The following ACAN variants were observed in gnomAD, a reference collection of about 807,000 sequenced individuals.
ACAN encodes the protein aggrecan core protein.
In ACAN, 47 loss-of-function variants were observed where a neutral mutation model predicts 169.1. The observed-to-expected ratio is 0.28, with a 90% CI of 0.22 to 0.35. ACAN has a LOEUF of 0.35. Among genes scored for constraint, ACAN ranks in the 10% least tolerant of loss-of-function variants. ACAN has a pLI of 1.00. For synonymous variants in ACAN, 1,115 were observed against 1,112.2 expected, an observed-to-expected ratio of 1.00 and a Z score of -0.05; for missense variants, 2,716 against 2,759.9, an observed-to-expected ratio of 0.98 and a Z score of 0.36.
chr15:88,864,145 C>G (rs1219174782), intron 13 of ACAN, among the ~76,000 whole-genome samples: 1 of 152,188 alleles, frequency 6.6e-6, no homozygotes, highest in Non-Finnish European at 1.5e-5. Flanking sequence ...CCACTGCATT[C>G]CAGCCTGGGT....
chr15:88,814,018 C>G lies in ACAN; in HGVS notation c.-8+10209C>G, dbSNP rs1013548854. ...TTCCTAGTTCCCCTCCTGATGACAT[C>G]TAGTGCTTAGACTCACAAAAGAATC... On this transcript the variant is annotated intron_variant, in intron 1 of 18. Coordinates refer to ENST00000560601, the MANE Select transcript of ACAN (RefSeq NM_001369268.1). The surrounding 1 kb of genome is among the most constrained non-coding windows in gnomAD (Gnocchi z 4.0). Among the ~76,000 whole-genome samples, 1 of 152,192 alleles carries G rather than the reference C, an allele frequency of 6.6e-6. No individual in the cohort carries two copies. The highest frequency in any genetic ancestry group is 2.1e-4 in the South Asian group (1 of 4,834).
At chr15:88,815,285 G>A (rs963968162) in intron 1 of ACAN, among the ~76,000 whole-genome samples, 48 of 152,030 alleles carry the variant, frequency 3.2e-4, no homozygotes, top group Admixed American at 1.8e-3. Context: ...AAGACCAGGC[G>A]CAGTGGCTCA....
intron 1 of ACAN, among the ~76,000 whole-genome samples, chr15:88,828,022 C>T (rs1596122834): frequency 6.6e-6 from 1 of 152,152 alleles, no homozygotes; most frequent in African/African-American, 2.4e-5. Context: ...TAGTTTGAAA[C>T]AAAAGTGGGA....
chr15:88,810,443 C>T (rs1236757897), intron 1 of ACAN, among the ~76,000 whole-genome samples: 1 of 152,148 alleles, frequency 6.6e-6, no homozygotes. Context: ...CTTCTCGCCT[C>T]AGCCGCCGCC....
At position 88,870,991 on chromosome 15, in the gene ACAN, C is replaced by T. The variant is rs1897365471; in HGVS notation, c.7061-391C>T. On this transcript the variant is annotated intron_variant, in intron 14 of 18. Transcript: ENST00000560601. The surrounding 1 kb of genome is among the most constrained non-coding windows in gnomAD (Gnocchi z 6.3). ...TCCCCACAGCTCCACTCCCTCTCTC[C>T]CTGGAGCCCCCCAGAGCCACAGAAC... Among the ~76,000 whole-genome samples the T allele has an allele frequency of 6.6e-6, 1 of 152,214 alleles. No individual in the cohort carries two copies.
At chr15:88,867,119 T>C (rs978530340) in intron 13 of ACAN, among the ~76,000 whole-genome samples, 1 of 152,154 alleles carries the variant, frequency 6.6e-6, no homozygotes, top group African/African-American at 2.4e-5. Context: ...GAAGTACAAA[T>C]ATGAAGAAAG....
chr15:88,803,832 A>T (rs1895601914), intron 1 of ACAN, 23 bp downstream of exon 1: 1 of 152,332 alleles, frequency 6.6e-6, no homozygotes, highest in Admixed American at 6.5e-5. Flanking sequence ...TTCCCTCCAG[A>T]GCGAGGCTCT....
rs1429256567 is a variant in ACAN, at chr15:88,868,975, T to C, written c.7060+646T>C. Reference sequence around the variant, plus strand: ...TCCCTCCCTTGTGCAAGGCAAAGGGTGGCCAGAGAGAACAGAACTGTGTTA... The same window carrying C: ...TCCCTCCCTTGTGCAAGGCAAAGGGCGGCCAGAGAGAACAGAACTGTGTTA... On this transcript the variant is annotated intron_variant, in intron 14 of 18. Coordinates refer to ENST00000560601, the MANE Select transcript of ACAN (RefSeq NM_001369268.1). This position sits in a 1 kb window ranked among gnomAD's most constrained non-coding sequence, Gnocchi z 5.2. 6.6e-6 allele frequency among the ~76,000 whole-genome samples: 1 copy of C among 152,150 alleles called. No individual in the cohort carries two copies. Among genetic ancestry groups the C allele is most frequent in the African/African-American group, 2.4e-5 (1 of 41,432 alleles).
intron 1 of ACAN, among the ~76,000 whole-genome samples, chr15:88,808,097 G>A (rs1323019280): frequency 6.6e-6 from 1 of 152,154 alleles, no homozygotes; most frequent in Non-Finnish European, 1.5e-5. Flanking sequence ...GGGTAAGAAG[G>A]AGAAACACAG....
At chr15:88,854,422 T>C (rs905923671) in intron 11 of ACAN, among the ~76,000 whole-genome samples, 1 of 152,210 alleles carries the variant, frequency 6.6e-6, no homozygotes, top group African/African-American at 2.4e-5. Flanking sequence ...TTGAAAACCA[T>C]GGGACCAAAT....
At chr15:88,840,882 T>C (rs113238597) in intron 4 of ACAN, among the ~76,000 whole-genome samples, 29,046 of 152,004 alleles carry the variant, frequency 0.19, 2,929 homozygotes, top group African/African-American at 0.25. Flanking sequence ...CAGTGGCTCA[T>C]GCCTGTAATC....
chr15:88,817,582 G>A (rs1320650528), intron 1 of ACAN, among the ~76,000 whole-genome samples: 8 of 151,018 alleles, frequency 5.3e-5, no homozygotes, highest in Non-Finnish European at 5.9e-5. Context: ...GGCCAGGCAC[G>A]GTGGCTTATG....
At position 88,836,079 on chromosome 15, in the gene ACAN, C is replaced by T; in HGVS notation, c.-7-121C>T. 2.9e-6 allele frequency: 2 copies of T among 679,592 alleles called. 1 individual carries two copies. Among genetic ancestry groups the T allele is most frequent in the South Asian group, 3.8e-5 (2 of 52,726 alleles). The allele number at this position is 679,592 out of a possible 1,614,324, so 42.1% of individuals were successfully genotyped here. A position where few individuals can be genotyped will look rare whatever the true frequency, so the allele number is the denominator to read the frequency against. ...CACAAACCACGTGCAGCCTCCTTCT[C>T]TGGAGATGATTCCAGGTCCTTGGGT... is the stretch of plus-strand genomic sequence containing the variant. On this transcript the variant is annotated intron_variant, in intron 1 of 18. Coordinates refer to ENST00000560601, the MANE Select transcript of ACAN (RefSeq NM_001369268.1).
At position 88,851,440 on chromosome 15, in the gene ACAN, C is replaced by T. The variant is rs911888456; in HGVS notation, c.2027-354C>T. On this transcript the variant is annotated intron_variant, in intron 10 of 18. Coordinates refer to ENST00000560601, the MANE Select transcript of ACAN (RefSeq NM_001369268.1). The surrounding 1 kb of genome is among the most constrained non-coding windows in gnomAD (Gnocchi z 4.3). Reference sequence around the variant, plus strand: ...TTGACTCTGGGCAAATCATGTAACTCTGTGCCTCAGTTTCCCCATCTGTAA... The same window carrying T: ...TTGACTCTGGGCAAATCATGTAACTTTGTGCCTCAGTTTCCCCATCTGTAA... 4.8e-6 allele frequency: 1 copy of T among 207,764 alleles called. No individual in the cohort carries two copies. The highest frequency in any genetic ancestry group is 2.3e-5 in the African/African-American group (1 of 43,264). 12.9% of individuals were successfully genotyped at this position (207,764 alleles called of 1,614,324 possible). A position where few individuals can be genotyped will look rare whatever the true frequency, so the allele number is the denominator to read the frequency against.
rs530678017 is a variant in ACAN, at chr15:88,845,869, G to A, written c.1416G>A (p.Pro472=). 75 of 1,453,760 alleles carry A rather than the reference G, an allele frequency of 5.2e-5. No individual in the cohort carries two copies. In the Admixed American group the frequency reaches 1.6e-3, roughly 31 times the overall value. The allele number at this position is 1,453,760 out of a possible 1,614,324, so 90.1% of individuals were successfully genotyped here. The change falls in exon 7 of 19, where the codon CCG becomes CCA. Residue 472 remains proline (P), a synonymous_variant. Coordinates refer to ENST00000560601, the MANE Select transcript of ACAN (RefSeq NM_001369268.1). ...VVQVTAVPGQ[P]HLPGGVVFHY... The stretch of plus-strand genomic sequence containing the variant: ...AGGTGACCGCTGTCCCTGGGCAGCC[G>A]CATTTGCCAGGGGGTAAGTAGCTGC...
In ACAN at chr15:88,870,216, C is replaced by G. The variant is rs190626396; in HGVS notation, c.7061-1166C>G. Among the ~76,000 whole-genome samples, 80 of 152,286 alleles carry G rather than the reference C, an allele frequency of 5.3e-4. No homozygotes were observed. In the East Asian group the frequency reaches 9.7e-3, roughly 18 times the overall value. Reference sequence around the variant, plus strand: ...CCCAACTGTCTCTCCCCCACTTTGCCAAGCATCCACCCCTTCAGCCTAAGA... The same window carrying G: ...CCCAACTGTCTCTCCCCCACTTTGCGAAGCATCCACCCCTTCAGCCTAAGA... On this transcript the variant is annotated intron_variant, in intron 14 of 18. Coordinates refer to ENST00000560601, the MANE Select transcript of ACAN (RefSeq NM_001369268.1). The surrounding 1 kb of genome is among the most constrained non-coding windows in gnomAD (Gnocchi z 6.3).
Position 88,851,519 on chromosome 15 carries a change from G to C in ACAN, c.2027-275G>C, listed in dbSNP as rs1054607801. On this transcript the variant is annotated intron_variant, in intron 10 of 18. Coordinates refer to ENST00000560601, the MANE Select transcript of ACAN (RefSeq NM_001369268.1). The surrounding 1 kb of genome is among the most constrained non-coding windows in gnomAD (Gnocchi z 4.3). Reference sequence around the variant, plus strand: ...GCTGTTGTGAGATAAAGTGATTTTAGATACACAAGGCTTTAGAGCAATGCC... The same window carrying C: ...GCTGTTGTGAGATAAAGTGATTTTACATACACAAGGCTTTAGAGCAATGCC... The C allele has an allele frequency of 2.8e-6, 1 of 358,394 alleles. No individual in the cohort carries two copies. The highest frequency in any genetic ancestry group is 5.0e-6 in the Non-Finnish European group (1 of 198,394). 22.2% of individuals were successfully genotyped at this position (358,394 alleles called of 1,614,324 possible).
At position 88,843,422 on chromosome 15, in the gene ACAN, G is replaced by T; in HGVS notation, c.825G>T (p.Arg275=). The change falls in exon 6 of 19, where the codon CGG becomes CGT. Residue 275 remains arginine (R), a synonymous_variant. Coordinates refer to ENST00000560601, the MANE Select transcript of ACAN (RefSeq NM_001369268.1). This position sits in a 1 kb window ranked among gnomAD's most constrained non-coding sequence, Gnocchi z 4.0. ...AGGAAGCAGCCAATGAGTGCCGGCGGCTGGGTGCCCGGCTGGCCACCACGG... is the reference window on the plus strand; with the variant it reads ...AGGAAGCAGCCAATGAGTGCCGGCGTCTGGGTGCCCGGCTGGCCACCACGG... ...TFQEAANECR[R]LGARLATTGQ... 6.2e-7 allele frequency: 1 copy of T among 1,604,992 alleles called. No individual in the cohort carries two copies. Among genetic ancestry groups the T allele is most frequent in the Non-Finnish European group, 8.5e-7 (1 of 1,173,368 alleles).
rs1596140481 is a variant in ACAN at position 88,849,741 on chromosome 15, C to T, written c.2026+10C>T. On this transcript the variant is annotated intron_variant, in intron 10 of 18. Coordinates refer to ENST00000560601, the MANE Select transcript of ACAN (RefSeq NM_001369268.1). This position sits in a 1 kb window ranked among gnomAD's most constrained non-coding sequence, Gnocchi z 5.1. ...GCCTTCTGCTTCCGAGGTATGCAGC[C>T]TCACTTCGGCTCCAACAGCCCCTTT... 1 of 1,612,750 alleles carries T rather than the reference C, an allele frequency of 6.2e-7. No homozygotes were observed. Among genetic ancestry groups the T allele is most frequent in the East Asian group, 2.2e-5 (1 of 44,828 alleles).
Sources: gnomAD v4.1 joint callset for allele counts (sites outside exome capture counted in the v4.1 genomes callset) on GRCh38, gnomAD v4.1.1 for gene constraint, Gnocchi (gnomAD v3.1) non-coding constraint, MANE v1.5 for transcripts, NCBI Gene and HGNC (gene_info 2026-07-23, HGNC 2026-07-21) for gene names.